The following SMAD2 variants were observed in gnomAD, a reference collection of about 807,000 sequenced individuals.
The protein encoded by SMAD2 is SMAD family member 2, also known as MAD homolog 2.
A neutral mutation model predicts 64.4 loss-of-function variants in SMAD2; 8 were observed. The observed-to-expected ratio is 0.12, with a 90% CI of 0.07 to 0.22. The LOEUF (loss-of-function observed/expected upper bound fraction) is 0.22, where lower values mean the gene tolerates loss of function less well. Ranked by LOEUF, SMAD2 falls within the 10% of genes least tolerant of loss-of-function variation. The pLI, the probability that SMAD2 is intolerant of heterozygous loss-of-function variation, is 1.00. For synonymous variants in SMAD2, 203 were observed against 195.8 expected (o/e 1.04, Z -0.31); for missense variants, 289 against 561.2 (o/e 0.51, Z 4.90).
At position 47,815,233 on chromosome 18, in the gene SMAD2, T is replaced by C. The variant is rs902350951; in HGVS notation, c.*26594A>G. The C allele has an allele frequency of 2.0e-5, 3 of 152,134 alleles. No individual in the cohort carries two copies. The highest frequency in any genetic ancestry group is 2.0e-4 in the Admixed American group (3 of 15,280). 9.4% of individuals were successfully genotyped at this position (152,134 alleles called of 1,614,324 possible). A position where few individuals can be genotyped will look rare whatever the true frequency, so the allele number is the denominator to read the frequency against. On this transcript the variant is annotated 3_prime_UTR_variant, in exon 11 of 11. Coordinates refer to ENST00000262160, the MANE Select transcript of SMAD2 (RefSeq NM_005901.6). ...ATCGAAAGAGAACGTTATCTTTGAT[T>C]GGCAAGTTTAAGGCCATCCACCTCG...
rs1295905075 is a variant in SMAD2, at chr18:47,824,083, A to ACCAATAAC, written c.*17736_*17743dup. The ACCAATAAC allele has an allele frequency of 6.6e-6, 1 of 152,226 alleles. No individual in the cohort carries two copies. The highest frequency in any genetic ancestry group is 1.5e-5 in the Non-Finnish European group (1 of 68,044). The allele number at this position is 152,226 out of a possible 1,614,324, so 9.4% of individuals were successfully genotyped here. A position where few individuals can be genotyped will look rare whatever the true frequency, so the allele number is the denominator to read the frequency against. On this transcript the variant is annotated 3_prime_UTR_variant, in exon 11 of 11. Transcript: ENST00000262160. ...CTGCCAATGCAGGATGCAGGACCAG[A>ACCAATAAC]CCAATAACCCGGGAAAGGTCTATTC... is the stretch of plus-strand genomic sequence containing the variant.
rs1460332631 is a variant in SMAD2 at position 47,831,489 on chromosome 18, A to G, written c.*10338T>C. Reference sequence around the variant, plus strand: ...TTAAATAATTTTATTTTCACATAACATTTAGAAAGGTGCAGAGGCAGCCAA... The same window carrying G: ...TTAAATAATTTTATTTTCACATAACGTTTAGAAAGGTGCAGAGGCAGCCAA... On this transcript the variant is annotated 3_prime_UTR_variant, in exon 11 of 11. Transcript: ENST00000262160. 2 of 152,350 alleles carry G rather than the reference A, an allele frequency of 1.3e-5. No homozygotes were observed. The highest frequency in any genetic ancestry group is 6.5e-5 in the Admixed American group (1 of 15,294). 9.4% of individuals were successfully genotyped at this position (152,350 alleles called of 1,614,324 possible).
chr18:47,903,000 G>C (rs539882061), intron 1 of SMAD2, among the ~76,000 whole-genome samples: 1 of 152,266 alleles, frequency 6.6e-6, no homozygotes, highest in South Asian at 2.1e-4. Context: ...CTAAGTACTT[G>C]CAAAAAGTAT....
intron 10 of SMAD2, chr18:47,844,916 T>G: frequency 3.5e-6 from 1 of 288,540 alleles, no homozygotes; most frequent in Non-Finnish European, 6.5e-6. Context: ...TTCTCCAAAC[T>G]GAATTGCTAT....
chr18:47,864,914 A>G lies in SMAD2; in HGVS notation c.730+145T>C, dbSNP rs1025560945. On this transcript the variant is annotated intron_variant, in intron 6 of 10. Transcript: ENST00000262160. ...AACATGGACCTCTTTGGTAGTTCAG[A>G]TATGTTAAATCAAGATAGAAGATCA... The G allele has an allele frequency of 2.0e-5, 13 of 651,150 alleles. No homozygotes were observed. The East Asian group carries it at 2.2e-4, about 11-fold the overall frequency. The allele number at this position is 651,150 out of a possible 1,614,324, so 40.3% of individuals were successfully genotyped here.
rs1184217329 is a variant in SMAD2 at position 47,845,700 on chromosome 18, A to G, written c.1098T>C (p.Tyr366=). Residue 366 remains tyrosine, a synonymous_variant, in exon 9 of 11, where the codon TAT becomes TAC. Transcript: ENST00000262160. ...FVQSPNCNQR[Y]GWHPATVCKI... ...TACACACTGTTGCAGGGTGCCAGCC[A>G]TATCTCTGATTACAATTGGGGCTCT... 10 of 1,613,850 alleles carry G rather than the reference A, an allele frequency of 6.2e-6. No homozygotes were observed. In the East Asian group the frequency reaches 8.9e-5, roughly 14 times the overall value.
In SMAD2 at chr18:47,810,458, T is replaced by C. The variant is rs1912165380; in HGVS notation, c.*31369A>G. On this transcript the variant is annotated 3_prime_UTR_variant, in exon 11 of 11. Transcript: ENST00000262160. ...CCCACTGGAACCCTGCAGCAGTTTA[T>C]GCTACAGACTGGGCTTTCAATCACC... is the stretch of plus-strand genomic sequence containing the variant. 2 of 152,252 alleles carry C rather than the reference T, an allele frequency of 1.3e-5. No homozygotes were observed. Among genetic ancestry groups the C allele is most frequent in the East Asian group, 3.8e-4 (2 of 5,200 alleles). 9.4% of individuals were successfully genotyped at this position (152,252 alleles called of 1,614,324 possible).
intron 1 of SMAD2, among the ~76,000 whole-genome samples, chr18:47,913,587 A>G (rs1331766356): frequency 6.6e-6 from 1 of 152,248 alleles, no homozygotes; most frequent in African/African-American, 2.4e-5. Context: ...TACATCTTCA[A>G]TTAGTTAAGC....
At chr18:47,855,189 G>A (rs924850173) in intron 6 of SMAD2, among the ~76,000 whole-genome samples, 4 of 152,104 alleles carry the variant, frequency 2.6e-5, no homozygotes, top group Non-Finnish European at 4.4e-5. Flanking sequence ...ACACTGTAAC[G>A]AAATGACATT....
rs531402506 is a variant in SMAD2 at position 47,821,892 on chromosome 18, C to T, written c.*19935G>A. ...TTTATAGTGACCTGTGATCCTGTTT[C>T]GAACTTTTGACATCTTTGACAGGCT... On this transcript the variant is annotated 3_prime_UTR_variant, in exon 11 of 11. Transcript: ENST00000262160. 3 of 152,140 alleles carry T rather than the reference C, an allele frequency of 2.0e-5. No homozygotes were observed. Among genetic ancestry groups the T allele is most frequent in the South Asian group, 2.1e-4 (1 of 4,822 alleles). The allele number at this position is 152,140 out of a possible 1,614,324, so 9.4% of individuals were successfully genotyped here.
intron 1 of SMAD2, among the ~76,000 whole-genome samples, chr18:47,898,413 GTGTA>G (rs574547903): frequency 1.3e-3 from 193 of 152,288 alleles, no homozygotes; most frequent in African/African-American, 4.5e-3. Context: ...GTATGTTTTT[GTGTA>G]TGTGTGTACA....
chr18:47,916,650 C>A (rs1216253086), intron 1 of SMAD2, among the ~76,000 whole-genome samples: 1 of 151,970 alleles, frequency 6.6e-6, no homozygotes, highest in African/African-American at 2.4e-5. Flanking sequence ...AGTGATCGCC[C>A]ACCTTGGCCT....
intron 3 of SMAD2, among the ~76,000 whole-genome samples, chr18:47,869,711 A>G (rs78891797): frequency 0.014 from 2,111 of 152,308 alleles, 41 homozygotes; most frequent in African/African-American, 0.048. Context: ...ATTTTTTAAA[A>G]AAGAGAGTTT....
Position 47,824,764 on chromosome 18 carries a change from A to G in SMAD2, c.*17063T>C, listed in dbSNP as rs368948561. ...AAAAAACATAAAAAGTATGTCGAAC[A>G]TTTTTAATTTCAAACACCAAACTTA... On this transcript the variant is annotated 3_prime_UTR_variant, in exon 11 of 11. Coordinates refer to ENST00000262160, the MANE Select transcript of SMAD2 (RefSeq NM_005901.6). 18 of 152,340 alleles carry G rather than the reference A, an allele frequency of 1.2e-4. No homozygotes were observed. The highest frequency in any genetic ancestry group is 4.3e-4 in the African/African-American group (18 of 41,582). The allele number at this position is 152,340 out of a possible 1,614,324, so 9.4% of individuals were successfully genotyped here. A position where few individuals can be genotyped will look rare whatever the true frequency, so the allele number is the denominator to read the frequency against.
intron 2 of SMAD2, among the ~76,000 whole-genome samples, chr18:47,889,329 TCTA>T (rs1266830578): frequency 6.6e-6 from 1 of 152,098 alleles, no homozygotes; most frequent in East Asian, 1.9e-4. Flanking sequence ...CTGGAAGGAC[TCTA>T]CTACAAGACA....
Position 47,811,772 on chromosome 18 carries a change from G to A in SMAD2, c.*30055C>T, listed in dbSNP as rs1268047733. The A allele has an allele frequency of 6.6e-6, 1 of 152,154 alleles. No individual in the cohort carries two copies. The highest frequency in any genetic ancestry group is 2.4e-5 in the African/African-American group (1 of 41,418). The allele number at this position is 152,154 out of a possible 1,614,324, so 9.4% of individuals were successfully genotyped here. A position where few individuals can be genotyped will look rare whatever the true frequency, so the allele number is the denominator to read the frequency against. On this transcript the variant is annotated 3_prime_UTR_variant, in exon 11 of 11. Coordinates refer to ENST00000262160, the MANE Select transcript of SMAD2 (RefSeq NM_005901.6). ...CAAGGAAAACAACTTAAAAATTAATGAGCTCTCAGGAAAAGATGGCATCAC... is the reference window on the plus strand; with the variant it reads ...CAAGGAAAACAACTTAAAAATTAATAAGCTCTCAGGAAAAGATGGCATCAC...
Position 47,810,259 on chromosome 18 carries a change from C to A in SMAD2, c.*31568G>T, listed in dbSNP as rs1360407121. 6.6e-6 allele frequency: 1 copy of A among 152,436 alleles called. No homozygotes were observed. Among genetic ancestry groups the A allele is most frequent in the Non-Finnish European group, 1.5e-5 (1 of 68,082 alleles). The allele number at this position is 152,436 out of a possible 1,614,324, so 9.4% of individuals were successfully genotyped here. ...GAAAGTAAGAGGTCGCCAACCAAGT[C>A]ATTTCCCTGTCCCCAAACCTCCTGA... On this transcript the variant is annotated 3_prime_UTR_variant, in exon 11 of 11. Transcript: ENST00000262160.
At chr18:47,856,681 G>C (rs947206949) in intron 6 of SMAD2, among the ~76,000 whole-genome samples, 9 of 152,054 alleles carry the variant, frequency 5.9e-5, no homozygotes, top group Non-Finnish European at 1.3e-4. Flanking sequence ...AGGAACTCTA[G>C]AATCTGACAT....
At position 47,841,291 on chromosome 18, in the gene SMAD2, T is replaced by G; in HGVS notation, c.*536A>C. On this transcript the variant is annotated 3_prime_UTR_variant, in exon 11 of 11. Transcript: ENST00000262160. ...TTTGGTAAAAGGCAGAAAAATTAGTTTTTCTACAGGAAAATCTGCTTCTAA... is the reference window on the plus strand; with the variant it reads ...TTTGGTAAAAGGCAGAAAAATTAGTGTTTCTACAGGAAAATCTGCTTCTAA... 1 of 233,502 alleles carries G rather than the reference T, an allele frequency of 4.3e-6. No homozygotes were observed. Among genetic ancestry groups the G allele is most frequent in the Non-Finnish European group, 8.5e-6 (1 of 118,252 alleles). 14.5% of individuals were successfully genotyped at this position (233,502 alleles called of 1,614,324 possible). A position where few individuals can be genotyped will look rare whatever the true frequency, so the allele number is the denominator to read the frequency against.
Sources: allele counts gnomAD v4.1 joint callset (sites outside exome capture counted in the v4.1 genomes callset), GRCh38; gene constraint gnomAD v4.1.1; transcripts MANE v1.5; gene names NCBI Gene and HGNC (gene_info 2026-07-23, HGNC 2026-07-21).